The following ARHGEF1 variants were observed in gnomAD, a reference collection of about 807,000 sequenced individuals.
ARHGEF1 encodes the protein 115 kDa guanine nucleotide exchange factor.
In ARHGEF1, 40 loss-of-function variants were observed where a neutral mutation model predicts 119.7. The ratio of observed to expected loss-of-function variants is 0.33; its 90% CI spans 0.26 to 0.44. The LOEUF is 0.44. Ranked by LOEUF, ARHGEF1 falls within the 20% of genes least tolerant of loss-of-function variation. The pLI is 1.00. For synonymous variants in ARHGEF1, 494 were observed against 521.0 expected, an observed-to-expected ratio of 0.95 and a Z score of 0.71; for missense variants, 976 against 1,268.3, an observed-to-expected ratio of 0.77 and a Z score of 3.50.
intron 14 of ARHGEF1, chr19:41,900,915 CA>C: frequency 6.6e-6 from 1 of 151,820 alleles, no homozygotes; most frequent in Admixed American, 6.6e-5. Context: ...CTCAGCCTCC[CA>C]AGTAGCTGGA....
chr19:41,895,183 C>T lies in ARHGEF1; in HGVS notation c.878-166C>T, dbSNP rs529414205. On this transcript the variant is annotated intron_variant, in intron 11 of 28. Coordinates refer to ENST00000354532, the MANE Select transcript of ARHGEF1 (RefSeq NM_004706.4). Reference sequence around the variant, plus strand: ...GGAGGAGGGGCTGGGGGCCTGGACTCCTGTGTCTGAGGGAGGAGGGGTTGA... The same window carrying T: ...GGAGGAGGGGCTGGGGGCCTGGACTTCTGTGTCTGAGGGAGGAGGGGTTGA... 9.3e-5 allele frequency among the ~76,000 whole-genome samples: 14 copies of T among 150,268 alleles called. No homozygotes were observed. In the South Asian group the frequency reaches 2.3e-3, roughly 25 times the overall value.
intron 14 of ARHGEF1, among the ~76,000 whole-genome samples, chr19:41,899,424 G>A (rs2074562560): frequency 6.6e-6 from 1 of 151,988 alleles, no homozygotes; most frequent in Non-Finnish European, 1.5e-5. Flanking sequence ...GAGAGATGAT[G>A]AGTGTATCAT....
rs1425843667 is a variant in ARHGEF1, at chr19:41,888,217, G to C, written c.50G>C (p.Gly17Ala). 1 of 1,614,058 alleles carries C rather than the reference G, an allele frequency of 6.2e-7. No homozygotes were observed. Among genetic ancestry groups the C allele is most frequent in the South Asian group, 1.1e-5 (1 of 91,084 alleles). Residue 17 changes from glycine (G) to alanine (A), a missense_variant, in exon 3 of 29, where the codon GGC becomes GCC. This residue lies in a region of ARHGEF1 where 519 missense variants were observed against 580.9 expected (regional missense o/e 0.89). Coordinates refer to ENST00000354532, the MANE Select transcript of ARHGEF1 (RefSeq NM_004706.4). The surrounding 1 kb of genome is among the most constrained non-coding windows in gnomAD (Gnocchi z 5.1). ...GAASPGPSRPGLVPVSIIGAE... is the reference protein window; with the variant it reads ...GAASPGPSRPALVPVSIIGAE... ...GCCTCCCCAGGCCCCTCCCGGCCTG[G>C]CCTGGTTCCCGTCAGCATCATCGGG...
chr19:41,908,755 T>A, downstream of ARHGEF1: 1 of 688,610 alleles, frequency 1.5e-6, no homozygotes, highest in Non-Finnish European at 2.0e-6. The surrounding 1 kb of genome is among the most constrained non-coding windows in gnomAD (Gnocchi z 6.7). Flanking sequence ...CCCTGCCATA[T>A]CCCACCCCAT....
Position 41,902,519 on chromosome 19 carries a change from G to C in ARHGEF1, c.1498-14G>C. 6.2e-7 allele frequency: 1 copy of C among 1,613,936 alleles called. No individual in the cohort carries two copies. Among genetic ancestry groups the C allele is most frequent in the Non-Finnish European group, 8.5e-7 (1 of 1,180,030 alleles). On this transcript the variant is annotated splice_polypyrimidine_tract_variant and intron_variant, in intron 16 of 28. Coordinates refer to ENST00000354532, the MANE Select transcript of ARHGEF1 (RefSeq NM_004706.4). This position sits in a 1 kb window ranked among gnomAD's most constrained non-coding sequence, Gnocchi z 6.5. The stretch of plus-strand genomic sequence containing the variant: ...CCCCACTGAGACACCTGCCTGGCCT[G>C]AATCTCGCTGTAGTTTGATGGTGCT...
Position 41,888,002 on chromosome 19 carries a change from G to A in ARHGEF1, c.-19-62G>A, listed in dbSNP as rs1184401627. 6.4e-7 allele frequency: 1 copy of A among 1,556,396 alleles called. No homozygotes were observed. On this transcript the variant is annotated intron_variant, in intron 1 of 28. Transcript: ENST00000354532. The surrounding 1 kb of genome is among the most constrained non-coding windows in gnomAD (Gnocchi z 5.1). The stretch of plus-strand genomic sequence containing the variant: ...CTTCACACCTGGGCCAGGAATCTGT[G>A]AGTAACCACCCTGGGCCGCCTCCTC...
intron 18 of ARHGEF1, among the ~76,000 whole-genome samples, chr19:41,914,403 G>A (rs187177374): frequency 1.4e-5 from 2 of 146,128 alleles, no homozygotes; most frequent in East Asian, 4.1e-4. Context: ...TCTCCCTCTC[G>A]TCTCCATCTC....
In ARHGEF1 at chr19:41,902,980, AC is replaced by A; in HGVS notation, c.1738+84del. 8.6e-7 allele frequency: 1 copy of A among 1,162,418 alleles called. No individual in the cohort carries two copies. The highest frequency in any genetic ancestry group is 1.2e-6 in the Non-Finnish European group (1 of 837,422). The allele number at this position is 1,162,418 out of a possible 1,614,324, so 72.0% of individuals were successfully genotyped here. A position where few individuals can be genotyped will look rare whatever the true frequency, so the allele number is the denominator to read the frequency against. ...TTTCTCACTCATTTTCATCAGTGAT[AC>A]CATCACAGCTCACTGCAGCCTCAAC... On this transcript the variant is annotated intron_variant, in intron 18 of 28. Transcript: ENST00000354532. The surrounding 1 kb of genome is among the most constrained non-coding windows in gnomAD (Gnocchi z 6.5).
At chr19:41,893,198 C>T (rs1206852885) in intron 7 of ARHGEF1, 76 bp from the exon 8 acceptor site, 2 of 1,589,482 alleles carry the variant, frequency 1.3e-6, no homozygotes, top group East Asian at 2.3e-5. Context: ...AGGACAGCAA[C>T]CCTGAGATGT....
In ARHGEF1 at chr19:41,896,412, C is replaced by A. The variant is rs868964936; in HGVS notation, c.1051C>A (p.Pro351Thr). Residue 351 changes from proline (P) to threonine (T), a missense_variant, in exon 13 of 29, where the codon CCG becomes ACG. Physicochemically the swap from Pro to Thr is conservative, Grantham distance 38 (BLOSUM62 -1). This residue lies in a region of ARHGEF1 where 519 missense variants were observed against 580.9 expected (regional missense o/e 0.89). Transcript: ENST00000354532. ...CCCCCTGGAGCTGGGGGACTCATCC[C>A]CGCAGGGCCCAATGAGCCTGGAGTC... ...DAPLELGDSS[P>T]QGPMSLESLA... 1 of 1,464,056 alleles carries A rather than the reference C, an allele frequency of 6.8e-7. No homozygotes were observed. 90.7% of individuals were successfully genotyped at this position (1,464,056 alleles called of 1,614,324 possible). A position where few individuals can be genotyped will look rare whatever the true frequency, so the allele number is the denominator to read the frequency against.
Position 41,905,698 on chromosome 19 carries a change from C to T in ARHGEF1, c.2337-62C>T. 6.3e-7 allele frequency: 1 copy of T among 1,576,954 alleles called. No homozygotes were observed. The highest frequency in any genetic ancestry group is 8.7e-7 in the Non-Finnish European group (1 of 1,150,904). On this transcript the variant is annotated intron_variant, in intron 24 of 28. Transcript: ENST00000354532. This position sits in a 1 kb window ranked among gnomAD's most constrained non-coding sequence, Gnocchi z 6.4. ...CCTCCCCACCTCCAGCTCTCTGTCTCCCTGCCCCTGCGGCCCCCCAGGGCC... is the reference window on the plus strand; with the variant it reads ...CCTCCCCACCTCCAGCTCTCTGTCTTCCTGCCCCTGCGGCCCCCCAGGGCC...
chr19:41,892,813 T>G lies in ARHGEF1; in HGVS notation c.578T>G (p.Val193Gly). Residue 193 changes from valine (V) to glycine (G), a missense_variant, in exon 7 of 29, where the codon GTG becomes GGG. Val to Gly is a moderately radical substitution (Grantham distance 109). Transcript: ENST00000354532. This position sits in a 1 kb window ranked among gnomAD's most constrained non-coding sequence, Gnocchi z 6.3. ...RASYEARERH[V>G]AERLLMHLEE... The stretch of plus-strand genomic sequence containing the variant: ...AGCTACGAGGCCCGGGAGCGGCACG[T>G]GGCGGAGCGGCTGCTCATGCACCTG... The G allele has an allele frequency of 6.3e-7, 1 of 1,583,936 alleles. No homozygotes were observed. The highest frequency in any genetic ancestry group is 2.3e-5 in the East Asian group (1 of 44,312).
intron 14 of ARHGEF1, among the ~76,000 whole-genome samples, chr19:41,899,128 A>G (rs2074558364): frequency 6.6e-6 from 1 of 151,644 alleles, no homozygotes; most frequent in Non-Finnish European, 1.5e-5. Flanking sequence ...GAGTAGCTGA[A>G]CAGGCATGTA....
chr19:41,902,408 C>T lies in ARHGEF1; in HGVS notation c.1497+52C>T. ...CCCAGCTAGACACATGGAATTCAGG[C>T]CCGGGACGGGTCCTGAGCCCACCCT... On this transcript the variant is annotated intron_variant, in intron 16 of 28. Transcript: ENST00000354532. This position sits in a 1 kb window ranked among gnomAD's most constrained non-coding sequence, Gnocchi z 6.5. The T allele has an allele frequency of 6.2e-7, 1 of 1,612,160 alleles. No homozygotes were observed. The highest frequency in any genetic ancestry group is 1.1e-5 in the South Asian group (1 of 90,864).
chr19:41,908,921 G>T, downstream of ARHGEF1: 1 of 515,146 alleles, frequency 1.9e-6, no homozygotes, highest in Non-Finnish European at 3.0e-6. The surrounding 1 kb of genome is among the most constrained non-coding windows in gnomAD (Gnocchi z 6.7). Context: ...TCCTTTTCTG[G>T]GTTTTACACA....
At chr19:41,894,007 A>G (rs1555846875) in intron 8 of ARHGEF1, among the ~76,000 whole-genome samples, 200 bp from the exon 9 acceptor site, 1 of 151,494 alleles carries the variant, frequency 6.6e-6, no homozygotes, top group East Asian at 1.9e-4. Context: ...GCATTGGGTA[A>G]CAGCCCTTGC....
chr19:41,920,193 C>T (rs782677720), upstream of ARHGEF1, among the ~76,000 whole-genome samples: 13 of 103,552 alleles, frequency 1.3e-4, no homozygotes, highest in African/African-American at 2.7e-4. Context: ...CACAGACATG[C>T]GCTCACAGAC....
intron 1 of ARHGEF1, among the ~76,000 whole-genome samples, chr19:41,924,918 A>C (rs2074862669): frequency 6.6e-6 from 1 of 152,156 alleles, no homozygotes; most frequent in African/African-American, 2.4e-5. Context: ...CTGCAGGGAC[A>C]GGTATCAAAA....
upstream of ARHGEF1, among the ~76,000 whole-genome samples, chr19:41,918,156 T>G (rs1303560911): frequency 6.6e-6 from 1 of 151,884 alleles, no homozygotes; most frequent in Admixed American, 6.6e-5. Flanking sequence ...CTGACCCTGG[T>G]TGGGGGTGCC....
Sources: gnomAD v4.1 joint callset for allele counts (sites outside exome capture counted in the v4.1 genomes callset) on GRCh38, gnomAD v4.1.1 for gene constraint, gnomAD v4.1.1 regional missense constraint, Gnocchi (gnomAD v3.1) non-coding constraint, MANE v1.5 for transcripts, NCBI Gene and HGNC (gene_info 2026-07-23, HGNC 2026-07-21) for gene names.